The following UBR4 variants were observed in gnomAD, a reference collection of about 807,000 sequenced individuals.
UBR4 encodes the protein E3 ubiquitin-protein ligase UBR4.
Under a neutral mutation model 575.6 loss-of-function variants are expected in UBR4, and 124 were observed. That is an observed-to-expected ratio of 0.22 (90% CI 0.19 to 0.25). UBR4 has a LOEUF of 0.25. Among genes scored for constraint, UBR4 ranks in the 10% least tolerant of loss-of-function variants. The pLI is 1.00. For synonymous variants in UBR4, 2,455 were observed against 2,473.7 expected (o/e 0.99, Z 0.22); for missense variants, 4,818 against 6,478.8 (o/e 0.74, Z 8.80).
intron 58 of UBR4, 61 bp downstream of exon 58, chr1:19,140,727 G>A: frequency 6.6e-7 from 1 of 1,515,836 alleles, no homozygotes; most frequent in Non-Finnish European, 9.0e-7. Flanking sequence ...TCTCACAGCA[G>A]TGGAAACAAG....
At chr1:19,090,501 C>A (rs999467212) in intron 97 of UBR4, among the ~76,000 whole-genome samples, 1 of 152,186 alleles carries the variant, frequency 6.6e-6, no homozygotes, top group Non-Finnish European at 1.5e-5. Context: ...GCTTTAAGCT[C>A]TCTTTGGCCT....
chr1:19,176,843 T>C, intron 19 of UBR4, 116 bp from the exon 20 acceptor site: 11 of 1,146,144 alleles, frequency 9.6e-6, no homozygotes, highest in South Asian at 1.9e-5. Context: ...GTGGGTGTTC[T>C]ACATTCAAAT....
At position 19,141,339 on chromosome 1, in the gene UBR4, CCTT is replaced by C; in HGVS notation, c.8488+5_8488+7del. ...ATGGGCCGCTTTGTTCTTGGCATGG[CCTT>C]CTACCTTGTTGGTCCTGCTGCAGGC... On this transcript the variant is annotated splice_donor_5th_base_variant and intron_variant, in intron 57 of 105. Coordinates refer to ENST00000375254, the MANE Select transcript of UBR4 (RefSeq NM_020765.3). 1 of 1,614,216 alleles carries C rather than the reference CCTT, an allele frequency of 6.2e-7. No homozygotes were observed. The highest frequency in any genetic ancestry group is 8.5e-7 in the Non-Finnish European group (1 of 1,180,040).
chr1:19,120,315 C>T lies in UBR4; in HGVS notation c.10175G>A (p.Cys3392Tyr), dbSNP rs770052936. 6.2e-7 allele frequency: 1 copy of T among 1,614,156 alleles called. No individual in the cohort carries two copies. Among genetic ancestry groups the T allele is most frequent in the South Asian group, 1.1e-5 (1 of 91,080 alleles). The change falls in exon 69 of 106, where the codon TGC becomes TAC. Residue 3392 changes from cysteine to tyrosine, a missense_variant. Coordinates refer to ENST00000375254, the MANE Select transcript of UBR4 (RefSeq NM_020765.3). ...GTTCAGCTGGTTCACCAGAGCTGTGCACAGCTGGTCCTCCTGGCTGCCAGA... is the reference window on the plus strand; with the variant it reads ...GTTCAGCTGGTTCACCAGAGCTGTGTACAGCTGGTCCTCCTGGCTGCCAGA... ...ETSGSQEDQL[C>Y]TALVNQLNKF...
rs372414275 is a variant in UBR4, at chr1:19,115,941, T to G, written c.10824-304A>C. Among the ~76,000 whole-genome samples, 3 of 152,292 alleles carry G rather than the reference T, an allele frequency of 2.0e-5. No homozygotes were observed. The South Asian group carries it at 6.2e-4, about 32-fold the overall frequency. On this transcript the variant is annotated intron_variant, in intron 73 of 105. Coordinates refer to ENST00000375254, the MANE Select transcript of UBR4 (RefSeq NM_020765.3). ...CCATGACTCCAAAAGCATGCCACAC[T>G]GAAGCCTGTAAGAGGTGCAATGATG...
Position 19,121,284 on chromosome 1 carries a change from G to A in UBR4, c.10046C>T (p.Ser3349Leu). 2 of 1,614,216 alleles carry A rather than the reference G, an allele frequency of 1.2e-6. No homozygotes were observed. The highest frequency in any genetic ancestry group is 1.7e-6 in the Non-Finnish European group (2 of 1,180,030). ...TCCAGAACTGGCAGCCACAGGGGCT[G>A]AGGAGGAAGAAGCACTGGAGGATCC... ...SSGSSSASSS[S>L]APVAASSGQA... is the part of the protein sequence containing the mutation. The change falls in exon 68 of 106, where the codon TCA becomes TTA. Residue 3349 changes from serine (S) to leucine (L), a missense_variant. Physicochemically the swap from Ser to Leu is moderately radical, Grantham distance 145 (BLOSUM62 -2). Transcript: ENST00000375254.
Position 19,168,007 on chromosome 1 carries a change from G to C in UBR4, c.3899+20C>G. The C allele has an allele frequency of 1.3e-6, 2 of 1,597,764 alleles. No homozygotes were observed. On this transcript the variant is annotated intron_variant, in intron 28 of 105. Coordinates refer to ENST00000375254, the MANE Select transcript of UBR4 (RefSeq NM_020765.3). ...AGAATACAGACATAGAGTCCTTGGGGCTAGGTAGTAGGTACTTACACAATA... is the reference window on the plus strand; with the variant it reads ...AGAATACAGACATAGAGTCCTTGGGCCTAGGTAGTAGGTACTTACACAATA...
At position 19,175,032 on chromosome 1, in the gene UBR4, A is replaced by G; in HGVS notation, c.2775T>C (p.Asp925=). ...AGTAGAATCTGGGGTGTGGGACAGC[A>G]TCTGAAAAGTAATATGCTGATTAAA... ...EENWSKHFSS[D]AVPHPRFYCV... Residue 925 remains aspartate (D), a splice_region_variant and synonymous_variant, in exon 21 of 106, where the codon GAT becomes GAC. Coordinates refer to ENST00000375254, the MANE Select transcript of UBR4 (RefSeq NM_020765.3). 3.7e-6 allele frequency: 6 copies of G among 1,613,324 alleles called. No individual in the cohort carries two copies. The highest frequency in any genetic ancestry group is 5.1e-6 in the Non-Finnish European group (6 of 1,179,466).
chr1:19,166,607 G>C (rs1479981176), intron 29 of UBR4, among the ~76,000 whole-genome samples: 2 of 151,650 alleles, frequency 1.3e-5, no homozygotes, highest in Non-Finnish European at 2.9e-5. Context: ...GCCATGTGTG[G>C]TGGCTCACGC....
rs758023803 is a variant in UBR4 at position 19,156,840 on chromosome 1, G to C, written c.5846C>G (p.Pro1949Arg). 1 of 1,614,176 alleles carries C rather than the reference G, an allele frequency of 6.2e-7. No individual in the cohort carries two copies. The highest frequency in any genetic ancestry group is 1.7e-5 in the Admixed American group (1 of 60,028). The change falls in exon 41 of 106, where the codon CCA (proline) becomes CGA (arginine). Residue 1949 changes from proline (P) to arginine (R), a missense_variant. Physicochemically the swap from Pro to Arg is moderately radical, Grantham distance 103. Transcript: ENST00000375254. ...KLTLTRLASA[P>R]VPFTVLSLTG... ...GAGGCTCAACACAGTAAAAGGAACT[G>C]GGGCAGAAGCCAAGCGGGTCAGAGT...
chr1:19,083,319 C>T (rs1319077659), intron 102 of UBR4, among the ~76,000 whole-genome samples: 5 of 152,118 alleles, frequency 3.3e-5, no homozygotes, highest in Non-Finnish European at 5.9e-5. Flanking sequence ...TTTTAACTCA[C>T]AAGGAAATGG....
At chr1:19,130,082 G>T (rs1425853106) in intron 60 of UBR4, among the ~76,000 whole-genome samples, 1 of 152,118 alleles carries the variant, frequency 6.6e-6, no homozygotes, top group Non-Finnish European at 1.5e-5. Context: ...GCTGGACATG[G>T]TGGTGTGCCT....
chr1:19,209,459 G>C lies in UBR4; in HGVS notation c.176+614C>G, dbSNP rs1038331478. On this transcript the variant is annotated intron_variant, in intron 1 of 105. Coordinates refer to ENST00000375254, the MANE Select transcript of UBR4 (RefSeq NM_020765.3). ...AAAGAATGTGATGATATTTTAATGC[G>C]AGGGGGATGGGAGGCAGCAAGAGAA... Among the ~76,000 whole-genome samples the C allele has an allele frequency of 2.6e-5, 4 of 152,208 alleles. No individual in the cohort carries two copies. In the South Asian group the frequency reaches 8.3e-4, roughly 31 times the overall value.
chr1:19,144,133 A>C, intron 54 of UBR4, 42 bp from the exon 55 acceptor site: 1 of 1,564,678 alleles, frequency 6.4e-7, no homozygotes, highest in Non-Finnish European at 8.8e-7. Context: ...CTCTCATATT[A>C]TTCATGAAAC....
Position 19,157,019 on chromosome 1 carries a change from T to C in UBR4, c.5761-94A>G. ...AAACTCTTTCAATAGGGATAACAGGTTGCACACTTTTTTCTTTACAGATAA... is the reference window on the plus strand; with the variant it reads ...AAACTCTTTCAATAGGGATAACAGGCTGCACACTTTTTTCTTTACAGATAA... On this transcript the variant is annotated intron_variant, in intron 40 of 105. Transcript: ENST00000375254. This position sits in a 1 kb window ranked among gnomAD's most constrained non-coding sequence, Gnocchi z 4.4. 1 of 1,396,852 alleles carries C rather than the reference T, an allele frequency of 7.2e-7. No individual in the cohort carries two copies. Among genetic ancestry groups the C allele is most frequent in the South Asian group, 1.4e-5 (1 of 69,428 alleles). 86.5% of individuals were successfully genotyped at this position (1,396,852 alleles called of 1,614,324 possible).
At position 19,210,123 on chromosome 1, in the gene UBR4, G is replaced by C; in HGVS notation, c.126C>G (p.Ser42=). The C allele has an allele frequency of 1.3e-6, 2 of 1,586,486 alleles. No individual in the cohort carries two copies. The highest frequency in any genetic ancestry group is 1.7e-6 in the Non-Finnish European group (2 of 1,169,190). The part of the protein sequence containing the change: ...AVRPLLSASY[S]AFEMKELPQL... ...GCGGCAACTCCTTCATCTCGAAGGC[G>C]GAGTAGGACGCGGACAGCAGGGGCC... The change falls in exon 1 of 106, where the codon TCC becomes TCG. Residue 42 remains serine, a synonymous_variant. Transcript: ENST00000375254.
Position 19,100,352 on chromosome 1 carries a change from G to A in UBR4, c.13221+24C>T. ...AGGAAGCCCCTAATCGTAAACGTGG[G>A]CAGCACTGTCCTATGGTCATTACCT... On this transcript the variant is annotated intron_variant, in intron 89 of 105. Coordinates refer to ENST00000375254, the MANE Select transcript of UBR4 (RefSeq NM_020765.3). The surrounding 1 kb of genome is among the most constrained non-coding windows in gnomAD (Gnocchi z 4.2). 2 of 1,613,194 alleles carry A rather than the reference G, an allele frequency of 1.2e-6. No individual in the cohort carries two copies. Among genetic ancestry groups the A allele is most frequent in the Non-Finnish European group, 1.7e-6 (2 of 1,179,668 alleles).
rs773304785 is a variant in UBR4, at chr1:19,110,880, G to A, written c.11802-48C>T. ...AGTCCTATAATTCACAATCAGGTGTGACACTCCTTTCCACCTGAAGGGGCC... is the reference window on the plus strand; with the variant it reads ...AGTCCTATAATTCACAATCAGGTGTAACACTCCTTTCCACCTGAAGGGGCC... On this transcript the variant is annotated intron_variant, in intron 78 of 105. Coordinates refer to ENST00000375254, the MANE Select transcript of UBR4 (RefSeq NM_020765.3). The surrounding 1 kb of genome is among the most constrained non-coding windows in gnomAD (Gnocchi z 4.5). 3 of 1,566,580 alleles carry A rather than the reference G, an allele frequency of 1.9e-6. No individual in the cohort carries two copies. The highest frequency in any genetic ancestry group is 1.7e-5 in the Admixed American group (1 of 57,262).
At chr1:19,098,107 C>A (rs970220208) in intron 90 of UBR4, among the ~76,000 whole-genome samples, 2 of 152,182 alleles carry the variant, frequency 1.3e-5, no homozygotes, top group Non-Finnish European at 2.9e-5. Context: ...ATTCAAGCAG[C>A]CTGCCTCCAA....
Sources: allele counts gnomAD v4.1 joint callset (sites outside exome capture counted in the v4.1 genomes callset), GRCh38; gene constraint gnomAD v4.1.1; non-coding constraint Gnocchi (gnomAD v3.1); transcripts MANE v1.5; gene names NCBI Gene and HGNC (gene_info 2026-07-23, HGNC 2026-07-21).